ARHGEF28: variants seen among roughly 807,000 people sequenced by gnomAD.
The protein encoded by ARHGEF28 is Rho guanine nucleotide exchange factor 28, also known as 190 kDa guanine nucleotide exchange factor.
ARHGEF28 carries 152 observed loss-of-function variants against 206.6 expected under a neutral mutation model. The observed-to-expected ratio is 0.74, with a 90% CI of 0.64 to 0.84. The LOEUF (loss-of-function observed/expected upper bound fraction) is 0.84, where lower values mean the gene tolerates loss of function less well. Among genes scored for constraint, ARHGEF28 ranks in the 40% least tolerant of loss-of-function variants. The probability of loss-of-function intolerance (pLI) is 0.00; values close to 1 mark genes in which losing one functional copy is unlikely to be tolerated. For missense variants in ARHGEF28, 2,028 were observed against 2,073.2 expected (o/e 0.98, Z 0.42); for synonymous variants, 763 against 776.4 (o/e 0.98, Z 0.29).
chr5:73,803,894 C>T (rs1358971076), intron 9 of ARHGEF28, among the ~76,000 whole-genome samples: 1 of 151,944 alleles, frequency 6.6e-6, no homozygotes, highest in Non-Finnish European at 1.5e-5. Flanking sequence ...CAAGACCAAC[C>T]TGGGCAACAT....
chr5:73,870,307 C>A, intron 21 of ARHGEF28, 98 bp downstream of exon 21: 1 of 1,353,250 alleles, frequency 7.4e-7, no homozygotes, highest in Non-Finnish European at 9.9e-7. Flanking sequence ...AATCCCAGTT[C>A]TATCATTTTC....
chr5:73,845,807 C>A (rs1475136897), intron 11 of ARHGEF28, among the ~76,000 whole-genome samples: 1 of 151,532 alleles, frequency 6.6e-6, no homozygotes, highest in Non-Finnish European at 1.5e-5. Flanking sequence ...CCAGCCTGGG[C>A]AACATGGCAA....
At chr5:73,781,888 A>G (rs1367513471) in intron 7 of ARHGEF28, among the ~76,000 whole-genome samples, 8 of 152,132 alleles carry the variant, frequency 5.3e-5, no homozygotes, top group African/African-American at 1.9e-4. Context: ...CAATTTCAAG[A>G]TAGTGAAGGA....
chr5:73,740,193 A>G (rs1269826311), intron 2 of ARHGEF28, among the ~76,000 whole-genome samples: 1 of 151,576 alleles, frequency 6.6e-6, no homozygotes, highest in African/African-American at 2.4e-5. Flanking sequence ...AAAAAAAAAA[A>G]AAGAAGGAGA....
intron 13 of ARHGEF28, among the ~76,000 whole-genome samples, chr5:73,852,099 GC>G (rs1758738515): frequency 6.6e-6 from 1 of 151,854 alleles, no homozygotes; most frequent in African/African-American, 2.4e-5. Context: ...CTCCCTTCTG[GC>G]CCCCTCCACA....
At position 73,941,269 on chromosome 5, in the gene ARHGEF28, T is replaced by C. The variant is rs1742601721; in HGVS notation, c.*256T>C. 5.0e-6 allele frequency: 1 copy of C among 200,482 alleles called. No homozygotes were observed. Among genetic ancestry groups the C allele is most frequent in the Non-Finnish European group, 9.9e-6 (1 of 100,518 alleles). 12.4% of individuals were successfully genotyped at this position (200,482 alleles called of 1,614,324 possible). On this transcript the variant is annotated 3_prime_UTR_variant, in exon 36 of 36. Transcript: ENST00000513042. ...AACTAACTTGAATAAGCAGGACTAT[T>C]TTAAAAGTTGTTTTGACGCTAGAGT...
intron 4 of ARHGEF28, among the ~76,000 whole-genome samples, chr5:73,761,726 A>G (rs138987679): frequency 6.6e-6 from 1 of 152,222 alleles, no homozygotes; most frequent in Non-Finnish European, 1.5e-5. Context: ...TTGACATGAG[A>G]ATGTATGTGT....
intron 35 of ARHGEF28, among the ~76,000 whole-genome samples, chr5:73,926,085 T>G (rs1441154565): frequency 6.6e-6 from 1 of 152,238 alleles, no homozygotes; most frequent in Non-Finnish European, 1.5e-5. Context: ...CAGGTTTTGT[T>G]CAACGTGATT....
chr5:73,822,759 G>A (rs1369451934), intron 9 of ARHGEF28, among the ~76,000 whole-genome samples: 1 of 152,060 alleles, frequency 6.6e-6, no homozygotes, highest in Non-Finnish European at 1.5e-5. Context: ...AGTAGCTTGC[G>A]TATACAGACA....
At chr5:73,724,230 A>G (rs542534840) in intron 2 of ARHGEF28, among the ~76,000 whole-genome samples, 177 of 152,368 alleles carry the variant, frequency 1.2e-3, no homozygotes, top group African/African-American at 3.9e-3. Flanking sequence ...AAAATTCTCT[A>G]TTAAAAATTA....
chr5:73,866,146 G>T, intron 18 of ARHGEF28, 133 bp downstream of exon 18: 1 of 856,402 alleles, frequency 1.2e-6, no homozygotes, highest in Non-Finnish European at 1.7e-6. Flanking sequence ...TGCTTGGCAT[G>T]ATTTTTAGTT....
At chr5:73,907,318 C>G (rs1762612207) in intron 33 of ARHGEF28, among the ~76,000 whole-genome samples, 2 of 152,158 alleles carry the variant, frequency 1.3e-5, no homozygotes, top group African/African-American at 2.4e-5. Context: ...TGAATGCAGC[C>G]CTGTGTAGAT....
chr5:73,791,242 C>A (rs754290481), intron 7 of ARHGEF28, among the ~76,000 whole-genome samples: 1 of 152,214 alleles, frequency 6.6e-6, no homozygotes. Flanking sequence ...GGTCCCAGCT[C>A]TCCCAGAATT....
At chr5:73,894,698 T>A in intron 29 of ARHGEF28, 123 bp downstream of exon 29, 1 of 1,187,880 alleles carries the variant, frequency 8.4e-7, no homozygotes, top group South Asian at 1.7e-5. Context: ...AGGTCCTTAC[T>A]CGGCTGGAAC....
chr5:73,791,082 G>GCTTGTCTAACCATCCACCACAT (rs1175086527), intron 7 of ARHGEF28, among the ~76,000 whole-genome samples: 26 of 152,188 alleles, frequency 1.7e-4, no homozygotes, highest in Non-Finnish European at 2.6e-4. Context: ...CTGATCCACA[G>GCTTGTCTAACCATCCACCACAT]CTTGTCTAAC....
At chr5:73,917,995 G>C (rs1048522406) in intron 35 of ARHGEF28, among the ~76,000 whole-genome samples, 1 of 152,144 alleles carries the variant, frequency 6.6e-6, no homozygotes, top group African/African-American at 2.4e-5. Context: ...GTAATGATCC[G>C]GCTTCAGCAA....
intron 2 of ARHGEF28, among the ~76,000 whole-genome samples, chr5:73,727,718 C>T (rs1447942962): frequency 6.6e-6 from 1 of 152,216 alleles, no homozygotes; most frequent in Non-Finnish European, 1.5e-5. Context: ...TAAGTGTCCT[C>T]TTTGCCAGAA....
intron 11 of ARHGEF28, among the ~76,000 whole-genome samples, chr5:73,845,056 T>C (rs1331994367): frequency 6.7e-6 from 1 of 149,748 alleles, no homozygotes; most frequent in East Asian, 2.0e-4. Flanking sequence ...CTTGCTCTTT[T>C]GCCCAGGCTG....
At chr5:73,889,946 C>T (rs980693179) in intron 26 of ARHGEF28, among the ~76,000 whole-genome samples, 4 of 152,178 alleles carry the variant, frequency 2.6e-5, no homozygotes, top group Admixed American at 6.5e-5. Flanking sequence ...AAAGTGAAAT[C>T]CTCTAGTATT....
Sources: allele counts gnomAD v4.1 joint callset (sites outside exome capture counted in the v4.1 genomes callset), GRCh38; gene constraint gnomAD v4.1.1; transcripts MANE v1.5; gene names NCBI Gene and HGNC (gene_info 2026-07-23, HGNC 2026-07-21).